Variants in ASAP1 observed in about 807,000 individuals in gnomAD.
ASAP1 encodes the protein ArfGAP with SH3 domain, ankyrin repeat and PH domain 1.
A neutral mutation model predicts 145.2 loss-of-function variants in ASAP1; 43 were observed. The observed-to-expected ratio is 0.30, with a 90% confidence interval of 0.23 to 0.38. The LOEUF (loss-of-function observed/expected upper bound fraction) is 0.38. Ranked by LOEUF, ASAP1 falls within the 10% of genes least tolerant of loss-of-function variation. The probability of loss-of-function intolerance (pLI) is 1.00; values close to 1 mark genes in which losing one functional copy is unlikely to be tolerated. For synonymous variants in ASAP1, 546 were observed against 515.5 expected (o/e 1.06, Z -0.80); for missense variants, 1,018 against 1,355.3 (o/e 0.75, Z 3.91).
intron 3 of ASAP1, among the ~76,000 whole-genome samples, chr8:130,247,988 T>C (rs979051712): frequency 1.3e-5 from 2 of 152,138 alleles, no homozygotes; most frequent in African/African-American, 4.8e-5. Context: ...TGTGAAAGCT[T>C]CCAGGTGCCC....
intron 27 of ASAP1, among the ~76,000 whole-genome samples, chr8:130,061,670 C>T (rs976702773): frequency 2.6e-5 from 4 of 152,120 alleles, no homozygotes; most frequent in African/African-American, 7.2e-5. Flanking sequence ...CTCGGGTTAA[C>T]CTCTGTTACA....
At chr8:130,322,522 A>G (rs886989087) in intron 3 of ASAP1, among the ~76,000 whole-genome samples, 5 of 152,216 alleles carry the variant, frequency 3.3e-5, no homozygotes, top group African/African-American at 1.2e-4. Flanking sequence ...TGGCACATAT[A>G]TCTTAAGTAA....
intron 18 of ASAP1, among the ~76,000 whole-genome samples, chr8:130,119,781 C>T (rs569569329): frequency 2.7e-4 from 41 of 151,568 alleles, no homozygotes; most frequent in Non-Finnish European, 5.0e-4. Context: ...TAGTAAACTG[C>T]TTAATCGTCA....
At chr8:130,300,113 T>TACACACACACACACACACACAC (rs373589102) in intron 3 of ASAP1, among the ~76,000 whole-genome samples, 7 of 72,896 alleles carry the variant, frequency 9.6e-5, no homozygotes, top group Non-Finnish European at 1.7e-4. Context: ...AAAAGAAAAA[T>TACACACACACACACACACACAC]ACACACACAC....
At chr8:130,285,305 A>G (rs1311669831) in intron 3 of ASAP1, among the ~76,000 whole-genome samples, 1 of 152,194 alleles carries the variant, frequency 6.6e-6, no homozygotes, top group African/African-American at 2.4e-5. Flanking sequence ...AAGGAGTTGT[A>G]AACCACCAAG....
chr8:130,373,615 A>G (rs1032314945), intron 2 of ASAP1, among the ~76,000 whole-genome samples: 4 of 152,036 alleles, frequency 2.6e-5, no homozygotes, highest in African/African-American at 4.8e-5. Flanking sequence ...TTGGGAGGCC[A>G]AGGAGGGTGG....
At chr8:130,265,060 A>G (rs544393905) in intron 3 of ASAP1, among the ~76,000 whole-genome samples, 1 of 152,318 alleles carries the variant, frequency 6.6e-6, no homozygotes, top group South Asian at 2.1e-4. Context: ...TTGTGAACTG[A>G]GCCAAGGATG....
intron 4 of ASAP1, among the ~76,000 whole-genome samples, chr8:130,232,478 G>A (rs1817962686): frequency 6.6e-6 from 1 of 152,146 alleles, no homozygotes; most frequent in African/African-American, 2.4e-5. Context: ...TGAATGGCTT[G>A]GAGAATTTTC....
rs2097395328 is a variant in ASAP1, at chr8:130,052,699, T to G, written c.*2032A>C. On this transcript the variant is annotated 3_prime_UTR_variant, in exon 30 of 30. Transcript: ENST00000518721. ...GAATAGACACTAACTCCATGTAATT[T>G]TAGACATGCAGCTTTTGTGTTTTTT... 6.6e-6 allele frequency: 1 copy of G among 151,742 alleles called. No individual in the cohort carries two copies. The highest frequency in any genetic ancestry group is 1.5e-5 in the Non-Finnish European group (1 of 67,940). 9.4% of individuals were successfully genotyped at this position (151,742 alleles called of 1,614,324 possible).
chr8:130,283,583 G>GAAAAAAA lies in ASAP1; in HGVS notation c.187-46590_187-46589insTTTTTTT, dbSNP rs745389921. On this transcript the variant is annotated intron_variant, in intron 3 of 29. Transcript: ENST00000518721. ...GGTGACAGAACAAGACTCCATCACA[G>GAAAAAAA]AAAGAAAAAAAAAAAAAAAAAAAAA... Among the ~76,000 whole-genome samples the GAAAAAAA allele has an allele frequency of 1.8e-3, 174 of 98,734 alleles. 9 individuals are homozygous for GAAAAAAA. Among genetic ancestry groups the GAAAAAAA allele is most frequent in the African/African-American group, 3.5e-3 (83 of 23,874 alleles). 64.8% of individuals were successfully genotyped at this position (98,734 alleles called of 152,430 possible). A position where few individuals can be genotyped will look rare whatever the true frequency, so the allele number is the denominator to read the frequency against.
At chr8:130,167,403 TG>T (rs2097682138) in intron 11 of ASAP1, 132 bp downstream of exon 11, 2 of 814,302 alleles carry the variant, frequency 2.5e-6, no homozygotes. Context: ...AGTTTCTACA[TG>T]GGGCTTATGG....
intron 1 of ASAP1, among the ~76,000 whole-genome samples, chr8:130,424,753 G>A (rs1333267733): frequency 2.0e-5 from 3 of 152,088 alleles, no homozygotes; most frequent in Non-Finnish European, 4.4e-5. Context: ...CAGCACTTTG[G>A]TAGGTCAAGG....
chr8:130,384,942 CATAA>C (rs1175223336), intron 2 of ASAP1, among the ~76,000 whole-genome samples: 2 of 152,190 alleles, frequency 1.3e-5, no homozygotes, highest in Non-Finnish European at 2.9e-5. Context: ...AGAGACTGAA[CATAA>C]ATAAAAGCGA....
At chr8:130,168,683 C>G (rs1046574871) in intron 10 of ASAP1, among the ~76,000 whole-genome samples, 1 of 152,138 alleles carries the variant, frequency 6.6e-6, no homozygotes, top group African/African-American at 2.4e-5. Flanking sequence ...CACAATCATG[C>G]ATTCTTTCTG....
intron 3 of ASAP1, among the ~76,000 whole-genome samples, chr8:130,327,645 G>A (rs1357769057): frequency 1.3e-5 from 2 of 152,128 alleles, no homozygotes; most frequent in Admixed American, 6.5e-5. Flanking sequence ...CTAAAGTAAG[G>A]TATATCCACA....
intron 2 of ASAP1, among the ~76,000 whole-genome samples, chr8:130,359,179 TA>T (rs35117563): frequency 5.3e-5 from 8 of 151,992 alleles, no homozygotes; most frequent in African/African-American, 1.9e-4. Flanking sequence ...TGGGGGCTTT[TA>T]AAAAAAATAA....
chr8:130,425,274 G>A (rs1234414032), intron 1 of ASAP1, among the ~76,000 whole-genome samples: 1 of 152,116 alleles, frequency 6.6e-6, no homozygotes, highest in Non-Finnish European at 1.5e-5. Flanking sequence ...AGAGGTTACA[G>A]TGAGGTGAGA....
intron 24 of ASAP1, among the ~76,000 whole-genome samples, chr8:130,098,260 C>T (rs915699005): frequency 6.6e-6 from 1 of 152,166 alleles, no homozygotes; most frequent in African/African-American, 2.4e-5. Flanking sequence ...AGCTTGCTTC[C>T]CTTCCTCTAA....
In ASAP1 at chr8:130,112,271, A is replaced by C; in HGVS notation, c.2224T>G (p.Ser742Ala). Residue 742 changes from serine (S) to alanine (A), a missense_variant, in exon 24 of 30, where the codon TCC becomes GCC. Physicochemically the swap from Ser to Ala is moderately conservative, Grantham distance 99 (BLOSUM62 1). Transcript: ENST00000518721. ...RSPRPQSFCH[S>A]SSISPQDKLA... is the part of the protein sequence containing the mutation. ...TTGTCCTGGGGGGAGATGCTGGAGGAGTGGCAGAAGCTCTGAGGTCTGGGT... is the reference window on the plus strand; with the variant it reads ...TTGTCCTGGGGGGAGATGCTGGAGGCGTGGCAGAAGCTCTGAGGTCTGGGT... 6.2e-7 allele frequency: 1 copy of C among 1,614,070 alleles called. No individual in the cohort carries two copies. Among genetic ancestry groups the C allele is most frequent in the Non-Finnish European group, 8.5e-7 (1 of 1,180,004 alleles).
Sources: gnomAD v4.1 joint callset for allele counts (sites outside exome capture counted in the v4.1 genomes callset) on GRCh38, gnomAD v4.1.1 for gene constraint, MANE v1.5 for transcripts, NCBI Gene and HGNC (gene_info 2026-07-23, HGNC 2026-07-21) for gene names.